Variants in IL19 observed in about 807,000 individuals in gnomAD.
The protein encoded by IL19 is interleukin-19.
A neutral mutation model predicts 19.5 loss-of-function variants in IL19; 15 were observed. That is an observed-to-expected ratio of 0.77 (90% CI 0.52 to 1.19). IL19 has a LOEUF of 1.19. Among genes scored for constraint, IL19 ranks in the 50% most tolerant of loss-of-function variants. The pLI is 0.00. For synonymous variants in IL19, 78 were observed against 78.3 expected (o/e 1.00, Z 0.02); for missense variants, 199 against 213.1 (o/e 0.93, Z 0.41).
Position 206,770,946 on chromosome 1 carries a change from C to T in IL19, c.-281C>T, listed in dbSNP as rs1294316254. Reference sequence around the variant, plus strand: ...TCAGCCTGAGGGTCTTCAGGTTCTCCCCCAGGGAGTTCACATGCGCCTTGA... The same window carrying T: ...TCAGCCTGAGGGTCTTCAGGTTCTCTCCCAGGGAGTTCACATGCGCCTTGA... On this transcript the variant is annotated 5_prime_UTR_variant, in exon 1 of 7. Transcript: ENST00000659997. The T allele has an allele frequency of 6.2e-7, 1 of 1,614,146 alleles. No homozygotes were observed. Among genetic ancestry groups the T allele is most frequent in the Non-Finnish European group, 8.5e-7 (1 of 1,180,020 alleles).
At chr1:206,786,006 G>A (rs543751739) in intron 1 of IL19, among the ~76,000 whole-genome samples, 27 of 152,180 alleles carry the variant, frequency 1.8e-4, no homozygotes, top group Admixed American at 9.8e-4. Context: ...GGGTGGTGAC[G>A]GGGACTTGGG....
intron 2 of IL19, among the ~76,000 whole-genome samples, chr1:206,830,964 C>A (rs192344405): frequency 6.6e-6 from 1 of 152,244 alleles, no homozygotes; most frequent in African/African-American, 2.4e-5. Flanking sequence ...TCAAATCTAA[C>A]CAAAATTACT....
chr1:206,787,713 T>A (rs1055267578), intron 1 of IL19, among the ~76,000 whole-genome samples: 2 of 152,344 alleles, frequency 1.3e-5, no homozygotes, highest in East Asian at 1.9e-4. Context: ...GTTGAAATAC[T>A]TTAAAGCCAT....
chr1:206,787,318 A>G (rs998191473), intron 1 of IL19, among the ~76,000 whole-genome samples: 1 of 152,200 alleles, frequency 6.6e-6, no homozygotes, highest in Non-Finnish European at 1.5e-5. Context: ...CATCCTTGGC[A>G]GTACTTTGTG....
At chr1:206,816,266 A>T (rs191473979) in intron 2 of IL19, among the ~76,000 whole-genome samples, 4 of 152,338 alleles carry the variant, frequency 2.6e-5, no homozygotes, top group African/African-American at 7.2e-5. Context: ...CTACATGCGT[A>T]AATGTATAAG....
chr1:206,788,263 G>T (rs540262420), intron 1 of IL19, among the ~76,000 whole-genome samples: 1 of 152,276 alleles, frequency 6.6e-6, no homozygotes, highest in East Asian at 1.9e-4. Context: ...GACATGTCCT[G>T]ACCCAAGCCC....
chr1:206,774,056 G>T (rs1674931546), intron 1 of IL19, among the ~76,000 whole-genome samples: 1 of 152,192 alleles, frequency 6.6e-6, no homozygotes, highest in Non-Finnish European at 1.5e-5. Flanking sequence ...AACTCCAGTG[G>T]CAGCAGGTTC....
chr1:206,830,413 T>G (rs1676561202), intron 2 of IL19, among the ~76,000 whole-genome samples: 2 of 151,938 alleles, frequency 1.3e-5, no homozygotes, highest in Non-Finnish European at 2.9e-5. Context: ...ATTTCCCAGT[T>G]CTTTTTCTCA....
intron 2 of IL19, among the ~76,000 whole-genome samples, chr1:206,825,257 A>G (rs1324292098): frequency 6.6e-6 from 1 of 152,230 alleles, no homozygotes; most frequent in Non-Finnish European, 1.5e-5. Flanking sequence ...GTATTTAAAC[A>G]TTGATCATAC....
chr1:206,790,740 C>T lies in IL19; in HGVS notation c.-148-8121C>T, dbSNP rs113617803. Among the ~76,000 whole-genome samples, 543 of 152,266 alleles carry T rather than the reference C, an allele frequency of 3.6e-3. 3 individuals are homozygous for T. The highest frequency in any genetic ancestry group is 9.6e-3 in the Admixed American group (147 of 15,300). On this transcript the variant is annotated intron_variant, in intron 1 of 6. Coordinates refer to ENST00000659997, the MANE Select transcript of IL19 (RefSeq NM_153758.5). ...GACACCTCATCCCCTTCCCCCATTG[C>T]CCCCCACTGCCCAGGACCAGATTAG...
intron 2 of IL19, among the ~76,000 whole-genome samples, chr1:206,809,407 C>T (rs1358344825): frequency 2.6e-5 from 4 of 152,182 alleles, no homozygotes; most frequent in Admixed American, 6.5e-5. Context: ...TGGGCCTGAC[C>T]TCCACTGGCT....
At chr1:206,793,757 C>T (rs2102456033) in intron 1 of IL19, among the ~76,000 whole-genome samples, 1 of 152,346 alleles carries the variant, frequency 6.6e-6, no homozygotes, top group African/African-American at 2.4e-5. Flanking sequence ...ACCTCTAACG[C>T]CACTCGATTA....
chr1:206,800,233 T>A (rs1233906895), intron 2 of IL19, among the ~76,000 whole-genome samples: 1 of 152,212 alleles, frequency 6.6e-6, no homozygotes, highest in Non-Finnish European at 1.5e-5. Context: ...TCCAGTGTAG[T>A]GGTGAAGACC....
chr1:206,834,731 A>C (rs895396230), intron 2 of IL19, among the ~76,000 whole-genome samples: 4 of 152,184 alleles, frequency 2.6e-5, no homozygotes, highest in Non-Finnish European at 5.9e-5. Flanking sequence ...GCAATGTGAA[A>C]TATCTTTTTA....
intron 1 of IL19, chr1:206,771,279 C>G (rs1572539260): frequency 7.4e-7 from 1 of 1,360,098 alleles, no homozygotes; most frequent in East Asian, 2.3e-5. Context: ...AAACCCAATT[C>G]CCTGCAATCA....
At chr1:206,826,320 A>G (rs1676432244) in intron 2 of IL19, among the ~76,000 whole-genome samples, 1 of 152,104 alleles carries the variant, frequency 6.6e-6, no homozygotes, top group Non-Finnish European at 1.5e-5. Flanking sequence ...GACATGGTGG[A>G]GATTTAGACA....
At chr1:206,772,928 C>G (rs1674895757) in intron 1 of IL19, among the ~76,000 whole-genome samples, 1 of 152,168 alleles carries the variant, frequency 6.6e-6, no homozygotes, top group Non-Finnish European at 1.5e-5. Flanking sequence ...AAGACTTCTC[C>G]TTGCTAACTT....
In IL19 at chr1:206,839,904, G is replaced by T; in HGVS notation, c.265G>T (p.Val89Leu). 6.2e-7 allele frequency: 1 copy of T among 1,614,058 alleles called. No individual in the cohort carries two copies. The highest frequency in any genetic ancestry group is 8.5e-7 in the Non-Finnish European group (1 of 1,179,924). ...CCTCCTGGCGTTCTACGTGGACAGG[G>T]TGTTCAAGGATCATCAGGAGCCAAA... ...KNLLAFYVDRVFKDHQEPNPK... is the reference protein window; with the variant it reads ...KNLLAFYVDRLFKDHQEPNPK... Residue 89 changes from valine to leucine, a missense_variant, in exon 5 of 7, where the codon GTG (valine) becomes TTG (leucine). Transcript: ENST00000659997.
chr1:206,805,836 C>A (rs1000778753), intron 2 of IL19, among the ~76,000 whole-genome samples: 1 of 152,172 alleles, frequency 6.6e-6, no homozygotes, highest in Non-Finnish European at 1.5e-5. Flanking sequence ...TTACTGTATT[C>A]ATCAGGAGTC....
Sources: gnomAD v4.1 joint callset for allele counts (sites outside exome capture counted in the v4.1 genomes callset) on GRCh38, gnomAD v4.1.1 for gene constraint, MANE v1.5 for transcripts, NCBI Gene and HGNC (gene_info 2026-07-23, HGNC 2026-07-21) for gene names.